The following SENP6 variants were observed in gnomAD, a reference collection of about 807,000 sequenced individuals.
SENP6 encodes the protein SUMO specific peptidase 6.
In SENP6, 41 loss-of-function variants were observed where a neutral mutation model predicts 134.5. That is an observed-to-expected ratio of 0.30 (90% CI 0.24 to 0.40). SENP6 has a LOEUF of 0.40. Among genes scored for constraint, SENP6 ranks in the 10% least tolerant of loss-of-function variants. The pLI, the probability that SENP6 is intolerant of heterozygous loss-of-function variation, is 1.00. For missense variants in SENP6, 1,248 were observed against 1,312.5 expected (o/e 0.95, Z 0.76); for synonymous variants, 395 against 429.8 (o/e 0.92, Z 1.00).
Position 75,715,514 on chromosome 6 carries a change from A to C in SENP6, c.3259A>C (p.Arg1087=). Residue 1087 remains arginine, a synonymous_variant, in exon 24 of 24, where the codon AGA becomes CGA. Coordinates refer to ENST00000447266, the MANE Select transcript of SENP6 (RefSeq NM_015571.4). ...KLQEDQSKEK[R]KHKDTYSTEA... is the part of the protein sequence containing the mutation. ...ACAGGAAGATCAGAGCAAAGAGAAAAGAAAGCATAAGGACACTTACTCAAC... is the reference window on the plus strand; with the variant it reads ...ACAGGAAGATCAGAGCAAAGAGAAACGAAAGCATAAGGACACTTACTCAAC... 6.2e-7 allele frequency: 1 copy of C among 1,613,612 alleles called. No individual in the cohort carries two copies. The highest frequency in any genetic ancestry group is 8.5e-7 in the Non-Finnish European group (1 of 1,179,628).
Position 75,609,275 on chromosome 6 carries a change from G to C in SENP6, c.52+6699G>C, listed in dbSNP as rs147438218. 3.9e-5 allele frequency among the ~76,000 whole-genome samples: 6 copies of C among 152,264 alleles called. No homozygotes were observed. In the East Asian group the frequency reaches 1.2e-3, roughly 29 times the overall value. On this transcript the variant is annotated intron_variant, in intron 1 of 23. Coordinates refer to ENST00000447266, the MANE Select transcript of SENP6 (RefSeq NM_015571.4). Reference sequence around the variant, plus strand: ...TTTCCTGTACCTCCCCCCAAAGGAAGGGGCGACTGAACAAGAGAAGGAAAA... The same window carrying C: ...TTTCCTGTACCTCCCCCCAAAGGAACGGGCGACTGAACAAGAGAAGGAAAA...
At chr6:75,693,259 G>A (rs750423237) in intron 16 of SENP6, among the ~76,000 whole-genome samples, 1 of 151,980 alleles carries the variant, frequency 6.6e-6, no homozygotes, top group Non-Finnish European at 1.5e-5. Flanking sequence ...ACAGAAATTA[G>A]CTGGGTGTGG....
chr6:75,648,962 G>C (rs1426966294), intron 7 of SENP6, among the ~76,000 whole-genome samples: 1 of 152,082 alleles, frequency 6.6e-6, no homozygotes, highest in East Asian at 1.9e-4. Context: ...TCACAAAGAA[G>C]GTTACTACTA....
chr6:75,711,477 A>T, intron 21 of SENP6, 61 bp downstream of exon 21: 1 of 1,092,284 alleles, frequency 9.2e-7, no homozygotes, highest in Non-Finnish European at 1.3e-6. Flanking sequence ...ATAAAACATA[A>T]CAGGACAGTT....
chr6:75,696,161 T>C (rs745462726), intron 17 of SENP6, among the ~76,000 whole-genome samples: 2 of 152,230 alleles, frequency 1.3e-5, no homozygotes, highest in African/African-American at 2.4e-5. Flanking sequence ...TAACAACTTA[T>C]TTATATTGAG....
At chr6:75,690,085 C>A (rs1774131972) in intron 16 of SENP6, among the ~76,000 whole-genome samples, 1 of 152,048 alleles carries the variant, frequency 6.6e-6, no homozygotes, top group Admixed American at 6.6e-5. Context: ...CTAATTTTTT[C>A]ACTTTTATAC....
intron 1 of SENP6, among the ~76,000 whole-genome samples, chr6:75,607,303 A>G (rs1430414757): frequency 6.7e-6 from 1 of 148,562 alleles, no homozygotes; most frequent in Admixed American, 6.7e-5. Context: ...CTGCCACCCA[A>G]AAAAAAAAAG....
At chr6:75,679,792 A>G (rs920662919) in intron 16 of SENP6, 1 of 152,234 alleles carries the variant, frequency 6.6e-6, no homozygotes, top group African/African-American at 2.4e-5. Context: ...TAGCATCAGT[A>G]TGCATAGTTC....
chr6:75,632,697 T>C (rs1334694640), intron 3 of SENP6, among the ~76,000 whole-genome samples: 1 of 152,166 alleles, frequency 6.6e-6, no homozygotes, highest in Non-Finnish European at 1.5e-5. Context: ...AAAACTGTCT[T>C]AGGCTGGGGT....
chr6:75,682,499 G>A (rs554084911), intron 16 of SENP6, among the ~76,000 whole-genome samples: 1 of 151,628 alleles, frequency 6.6e-6, no homozygotes, highest in Admixed American at 6.6e-5. Context: ...TTGGTTTGCT[G>A]TACCTATCAA....
intron 16 of SENP6, among the ~76,000 whole-genome samples, chr6:75,683,975 C>T (rs895876028): frequency 2.6e-5 from 4 of 152,028 alleles, no homozygotes; most frequent in African/African-American, 9.7e-5. Context: ...TGAATCTATA[C>T]ATTACTTTGG....
rs1412151177 is a variant in SENP6 at position 75,658,973 on chromosome 6, C to CAAAAAAAAA, written c.551-289_551-288insAAAAAAAAA. ...GGTGACAGAATGAGACCTTGTCTCC[C>CAAAAAAAAA]CAAAAAAAAAAAAAAAAAAAAAAAA... On this transcript the variant is annotated intron_variant, in intron 7 of 23. Coordinates refer to ENST00000447266, the MANE Select transcript of SENP6 (RefSeq NM_015571.4). Among the ~76,000 whole-genome samples the CAAAAAAAAA allele has an allele frequency of 7.0e-5, 2 of 28,538 alleles. 1 individual carries two copies. 18.7% of individuals were successfully genotyped at this position (28,538 alleles called of 152,430 possible). A position where few individuals can be genotyped will look rare whatever the true frequency, so the allele number is the denominator to read the frequency against.
intron 5 of SENP6, among the ~76,000 whole-genome samples, chr6:75,639,693 A>C (rs1355049515): frequency 6.6e-6 from 1 of 152,140 alleles, no homozygotes; most frequent in East Asian, 1.9e-4. Context: ...TTCATGAACT[A>C]TGGAGAAGGG....
chr6:75,713,854 A>AATTC (rs772886314), intron 23 of SENP6, 29 bp downstream of exon 23: 1 of 1,478,650 alleles, frequency 6.8e-7, no homozygotes. Context: ...GATCTGCTAT[A>AATTC]ATAAATAATA....
intron 3 of SENP6, among the ~76,000 whole-genome samples, chr6:75,625,751 C>T (rs191218077): frequency 6.6e-5 from 10 of 152,122 alleles, no homozygotes; most frequent in Non-Finnish European, 8.8e-5. Flanking sequence ...CTCCTGTAGT[C>T]CCAGCTACGT....
intron 9 of SENP6, 36 bp downstream of exon 9, chr6:75,663,554 A>T (rs373092766): frequency 1.1e-5 from 17 of 1,498,704 alleles, no homozygotes; most frequent in Non-Finnish European, 1.4e-5. Context: ...TGCTTATATC[A>T]ATCCAGTATT....
In SENP6 at chr6:75,647,765, A is replaced by T; in HGVS notation, c.514A>T (p.Ile172Phe). 6.2e-7 allele frequency: 1 copy of T among 1,613,024 alleles called. No individual in the cohort carries two copies. The highest frequency in any genetic ancestry group is 1.3e-5 in the African/African-American group (1 of 75,024). ...CCCACCTCATGTCCAAAAAGTTGAA[A>T]TTAATCCTGTAAGGTTAAGTCGGCT... Reference protein sequence around the residue: ...EYPPHVQKVEINPVRLSRLQG... With the variant: ...EYPPHVQKVEFNPVRLSRLQG... The change falls in exon 7 of 24, where the codon ATT becomes TTT. Residue 172 changes from isoleucine (I) to phenylalanine (F), a missense_variant. This residue lies in a region of SENP6 where 733 missense variants were observed against 725.4 expected (regional missense o/e 1.01). Coordinates refer to ENST00000447266, the MANE Select transcript of SENP6 (RefSeq NM_015571.4).
In SENP6 at chr6:75,684,365, A is replaced by G. The variant is rs147478198; in HGVS notation, c.2075+5438A>G. 9.5e-3 allele frequency among the ~76,000 whole-genome samples: 1,453 copies of G among 152,166 alleles called. 18 individuals are homozygous for G. Among genetic ancestry groups the G allele is most frequent in the African/African-American group, 0.032 (1,345 of 41,526 alleles). On this transcript the variant is annotated intron_variant, in intron 16 of 23. Coordinates refer to ENST00000447266, the MANE Select transcript of SENP6 (RefSeq NM_015571.4). ...CAAACAGGGACAGTTTGACTTCCCC[A>G]TTTCCTAATTGAATACGCTTTATTT...
intron 5 of SENP6, among the ~76,000 whole-genome samples, chr6:75,636,198 G>T (rs972209066): frequency 1.3e-5 from 2 of 152,068 alleles, no homozygotes; most frequent in South Asian, 2.1e-4. Flanking sequence ...CTGGTAAAAT[G>T]TTTCTTTAAA....
Sources: gnomAD v4.1 joint callset for allele counts (sites outside exome capture counted in the v4.1 genomes callset) on GRCh38, gnomAD v4.1.1 for gene constraint, gnomAD v4.1.1 regional missense constraint, MANE v1.5 for transcripts, NCBI Gene and HGNC (gene_info 2026-07-23, HGNC 2026-07-21) for gene names.